Variants in DTX3L observed in about 807,000 individuals in gnomAD.
DTX3L encodes the protein E3 ubiquitin-protein ligase DTX3L.
A neutral mutation model predicts 60.9 loss-of-function variants in DTX3L; 34 were observed. The ratio of observed to expected loss-of-function variants is 0.56; its 90% confidence interval spans 0.42 to 0.74. The LOEUF (loss-of-function observed/expected upper bound fraction) is 0.74, where lower values mean the gene tolerates loss of function less well. Among genes scored for constraint, DTX3L ranks in the 30% least tolerant of loss-of-function variants. The pLI is 0.00. For synonymous variants in DTX3L, 290 were observed against 316.6 expected, an observed-to-expected ratio of 0.92 and a Z score of 0.89; for missense variants, 810 against 874.0, an observed-to-expected ratio of 0.93 and a Z score of 0.92.
intron 4 of DTX3L, 66 bp from the exon 5 acceptor site, chr3:122,571,612 G>A: frequency 8.3e-7 from 1 of 1,208,030 alleles, no homozygotes; most frequent in South Asian, 1.4e-5. Context: ...ATCCTTAAAT[G>A]CTGGATATCT....
Position 122,569,719 on chromosome 3 carries a change from G to A in DTX3L, c.1630G>A (p.Gly544Ser), listed in dbSNP as rs374278659. The A allele has an allele frequency of 9.3e-6, 15 of 1,614,008 alleles. No homozygotes were observed. The highest frequency in any genetic ancestry group is 1.2e-5 in the Non-Finnish European group (14 of 1,180,030). ...DSKAASPPLK[G>S]SVSSEASELD... ...CAAAGCAGCTTCTCCGCCACTCAAGGGCTCTGTGAGTTCTGAGGCCTCAGA... is the reference window on the plus strand; with the variant it reads ...CAAAGCAGCTTCTCCGCCACTCAAGAGCTCTGTGAGTTCTGAGGCCTCAGA... The change falls in exon 3 of 5, where the codon GGC (glycine) becomes AGC (serine). Residue 544 changes from glycine to serine, a missense_variant. By Grantham distance (56) the Gly-to-Ser change is moderately conservative. Transcript: ENST00000296161.
chr3:122,564,985 T>C (rs2080536491), intron 1 of DTX3L, among the ~76,000 whole-genome samples: 1 of 152,182 alleles, frequency 6.6e-6, no homozygotes, highest in Admixed American at 6.5e-5. Context: ...GTTCCATCCA[T>C]GAACAAAAGG....
rs149064549 is a variant in DTX3L at position 122,568,006 on chromosome 3, G to A, written c.400-483G>A. Among the ~76,000 whole-genome samples the A allele has an allele frequency of 5.6e-3, 852 of 152,272 alleles. 9 individuals are homozygous for A. Among genetic ancestry groups the A allele is most frequent in the African/African-American group, 0.019 (803 of 41,556 alleles). On this transcript the variant is annotated intron_variant, in intron 2 of 4. Transcript: ENST00000296161. Reference sequence around the variant, plus strand: ...GAGAACCTCTGGGATGTAGCGTGCTGTATCCTCTAAAAAGGATTTGAGACC... The same window carrying A: ...GAGAACCTCTGGGATGTAGCGTGCTATATCCTCTAAAAAGGATTTGAGACC...
Position 122,564,483 on chromosome 3 carries a change from C to T in DTX3L, c.57C>T (p.Gly19=). ...SPLLVRVYKS[G]PRVRRKLESY... is the part of the protein sequence containing the mutation. ...TCCTCGTGCGGGTGTACAAGTCCGG[C>T]CCCCGAGTACGAAGGAAGCTGGAGA... The change falls in exon 1 of 5, where the codon GGC becomes GGT. Residue 19 remains glycine, a synonymous_variant. Transcript: ENST00000296161. 1.2e-6 allele frequency: 2 copies of T among 1,612,518 alleles called. No homozygotes were observed. Among genetic ancestry groups the T allele is most frequent in the Non-Finnish European group, 1.7e-6 (2 of 1,179,264 alleles).
rs948417465 is a variant in DTX3L, at chr3:122,568,548, A to G, written c.459A>G (p.Ala153=). 6.2e-7 allele frequency: 1 copy of G among 1,614,186 alleles called. No individual in the cohort carries two copies. The highest frequency in any genetic ancestry group is 8.5e-7 in the Non-Finnish European group (1 of 1,180,028). ...ACCTGTTCTCCAAAGAGCAGAGGGC[A>G]TACATAACCACACTGTGCCCTAGTA... is the stretch of plus-strand genomic sequence containing the variant. ...NCNLFSKEQR[A]YITTLCPSIR... The change falls in exon 3 of 5, where the codon GCA becomes GCG. Residue 153 remains alanine, a synonymous_variant. Transcript: ENST00000296161.
rs752116170 is a variant in DTX3L at position 122,571,709 on chromosome 3, C to T, written c.2185C>T (p.Arg729Cys). The change falls in exon 5 of 5, where the codon CGT (arginine) becomes TGT (cysteine). Residue 729 changes from arginine to cysteine, a missense_variant. Physicochemically the swap from Arg to Cys is radical, Grantham distance 180. Coordinates refer to ENST00000296161, the MANE Select transcript of DTX3L (RefSeq NM_138287.3). Reference protein sequence around the residue: ...YGYPDPSYLKRVKEELKAKGI... With the variant: ...YGYPDPSYLKCVKEELKAKGI... ...CTATCCTGATCCTTCTTACCTGAAA[C>T]GTGTCAAAGAGGAGCTGAAAGCCAA... 1.6e-5 allele frequency: 26 copies of T among 1,613,120 alleles called. No individual in the cohort carries two copies. The highest frequency in any genetic ancestry group is 2.7e-5 in the African/African-American group (2 of 75,000).
Position 122,565,989 on chromosome 3 carries a change from A to G in DTX3L, c.318A>G (p.Gln106=). Residue 106 remains glutamine (Q), a synonymous_variant, in exon 2 of 5, where the codon CAA becomes CAG. Transcript: ENST00000296161. ...NTRPQISSLT[Q]SQAETPSGDM... is the part of the protein sequence containing the mutation. The stretch of plus-strand genomic sequence containing the variant: ...GACCTCAAATTTCTTCACTGACACA[A>G]TCACAAGCAGAAACACCGTCTGGTG... 2 of 1,614,214 alleles carry G rather than the reference A, an allele frequency of 1.2e-6. No homozygotes were observed. Among genetic ancestry groups the G allele is most frequent in the Non-Finnish European group, 1.7e-6 (2 of 1,180,050 alleles).
Position 122,564,470 on chromosome 3 carries a change from T to C in DTX3L, c.44T>C (p.Val15Ala), listed in dbSNP as rs1475989617. Reference protein sequence around the residue: ...LRPPSPLLVRVYKSGPRVRRK... With the variant: ...LRPPSPLLVRAYKSGPRVRRK... ...CCGCCGTCCCCGCTCCTCGTGCGGG[T>C]GTACAAGTCCGGCCCCCGAGTACGA... Residue 15 changes from valine (V) to alanine (A), a missense_variant, in exon 1 of 5, where the codon GTG becomes GCG. Coordinates refer to ENST00000296161, the MANE Select transcript of DTX3L (RefSeq NM_138287.3). 6.2e-7 allele frequency: 1 copy of C among 1,612,468 alleles called. No homozygotes were observed. Among genetic ancestry groups the C allele is most frequent in the Admixed American group, 1.7e-5 (1 of 59,984 alleles).
chr3:122,574,346 A>C lies in DTX3L; in HGVS notation c.*2599A>C, dbSNP rs2080668433. The C allele has an allele frequency of 6.6e-6, 1 of 152,170 alleles. No homozygotes were observed. The highest frequency in any genetic ancestry group is 1.5e-5 in the Non-Finnish European group (1 of 68,038). The allele number at this position is 152,170 out of a possible 1,614,324, so 9.4% of individuals were successfully genotyped here. On this transcript the variant is annotated 3_prime_UTR_variant, in exon 5 of 5. Coordinates refer to ENST00000296161, the MANE Select transcript of DTX3L (RefSeq NM_138287.3). ...TACTATAAGGAATATATGACATGCTAAATTTTATTTTTAAACGGTTCTTCA... is the reference window on the plus strand; with the variant it reads ...TACTATAAGGAATATATGACATGCTCAATTTTATTTTTAAACGGTTCTTCA...
At chr3:122,568,368 GC>G (rs1231353092) in intron 2 of DTX3L, 120 bp from the exon 3 acceptor site, 29 of 460,386 alleles carry the variant, frequency 6.3e-5, no homozygotes, top group African/African-American at 5.0e-4. Flanking sequence ...GAAAGAAGTT[GC>G]CCCCACTTGG....
Position 122,569,747 on chromosome 3 carries a change from T to G in DTX3L, c.1658T>G (p.Leu553Arg), listed in dbSNP as rs1467658258. ...TCTGTGAGTTCTGAGGCCTCAGAACTGGACAAGAAGGAAAAGGGCATCTGT... is the reference window on the plus strand; with the variant it reads ...TCTGTGAGTTCTGAGGCCTCAGAACGGGACAAGAAGGAAAAGGGCATCTGT... ...KGSVSSEASE[L>R]DKKEKGICVI... is the part of the protein sequence containing the mutation. The change falls in exon 3 of 5, where the codon CTG becomes CGG. Residue 553 changes from leucine (L) to arginine (R), a missense_variant. Coordinates refer to ENST00000296161, the MANE Select transcript of DTX3L (RefSeq NM_138287.3). 1.2e-6 allele frequency: 2 copies of G among 1,613,998 alleles called. No individual in the cohort carries two copies. The highest frequency in any genetic ancestry group is 2.7e-5 in the African/African-American group (2 of 74,922).
chr3:122,567,885 A>G (rs982497105), intron 2 of DTX3L, among the ~76,000 whole-genome samples: 5 of 152,290 alleles, frequency 3.3e-5, no homozygotes, highest in Middle Eastern at 3.4e-3. Flanking sequence ...TCCACTGCAG[A>G]TTAGTTAACA....
chr3:122,566,089 A>G lies in DTX3L; in HGVS notation c.399+19A>G, dbSNP rs1386970466. On this transcript the variant is annotated intron_variant, in intron 2 of 4. Transcript: ENST00000296161. ...CCAAAAGGTGAGTATTGAAAGAAGGAGCTGGCTGTGCCTGCGCCTCCTCTC... is the reference window on the plus strand; with the variant it reads ...CCAAAAGGTGAGTATTGAAAGAAGGGGCTGGCTGTGCCTGCGCCTCCTCTC... The G allele has an allele frequency of 2.5e-6, 4 of 1,608,656 alleles. No individual in the cohort carries two copies. Among genetic ancestry groups the G allele is most frequent in the Non-Finnish European group, 3.4e-6 (4 of 1,175,488 alleles).
chr3:122,569,185 G>A lies in DTX3L; in HGVS notation c.1096G>A (p.Val366Met). 1.9e-6 allele frequency: 3 copies of A among 1,614,198 alleles called. No individual in the cohort carries two copies. The highest frequency in any genetic ancestry group is 1.1e-5 in the South Asian group (1 of 91,080). The stretch of plus-strand genomic sequence containing the variant: ...CTCTGAAGCTTTTGTCAAGATACCT[G>A]TGAAACTATTTGCTGCCAATTACAT... Reference protein sequence around the residue: ...KISEAFVKIPVKLFAANYMMN... With the variant: ...KISEAFVKIPMKLFAANYMMN... The change falls in exon 3 of 5, where the codon GTG becomes ATG. Residue 366 changes from valine (V) to methionine (M), a missense_variant. Transcript: ENST00000296161.
chr3:122,568,445 A>G, intron 2 of DTX3L, 44 bp from the exon 3 acceptor site: 1 of 1,491,474 alleles, frequency 6.7e-7, no homozygotes, highest in Non-Finnish European at 9.0e-7. Context: ...GTAGGCCTGC[A>G]TGCTGAGAGG....
rs540079621 is a variant in DTX3L at position 122,574,227 on chromosome 3, T to C, written c.*2480T>C. 5.8e-4 allele frequency: 89 copies of C among 152,300 alleles called. No homozygotes were observed. The highest frequency in any genetic ancestry group is 2.1e-3 in the African/African-American group (87 of 41,564). The allele number at this position is 152,300 out of a possible 1,614,324, so 9.4% of individuals were successfully genotyped here. ...CCGTAGCCCACATTGTAGTAGTTTT[T>C]CAGCTCTTTACTAAGTCCCACCAAT... On this transcript the variant is annotated 3_prime_UTR_variant, in exon 5 of 5. Transcript: ENST00000296161.
chr3:122,570,248 C>G lies in DTX3L; in HGVS notation c.1936-207C>G, dbSNP rs1404086644. 8.2e-6 allele frequency: 6 copies of G among 727,772 alleles called. No individual in the cohort carries two copies. In the Admixed American group the frequency reaches 1.7e-4, roughly 21 times the overall value. The allele number at this position is 727,772 out of a possible 1,614,324, so 45.1% of individuals were successfully genotyped here. A position where few individuals can be genotyped will look rare whatever the true frequency, so the allele number is the denominator to read the frequency against. ...GAGAAAGGGTGGGTGGAGATTATAT[C>G]TTGAGATGGGGGTATCAGGAAGGTG... is the stretch of plus-strand genomic sequence containing the variant. On this transcript the variant is annotated intron_variant, in intron 3 of 4. Transcript: ENST00000296161.
In DTX3L at chr3:122,568,593, C is replaced by T. The variant is rs1251896018; in HGVS notation, c.504C>T (p.His168=). The T allele has an allele frequency of 6.2e-6, 10 of 1,613,984 alleles. No homozygotes were observed. Among genetic ancestry groups the T allele is most frequent in the African/African-American group, 2.7e-5 (2 of 74,882 alleles). ...CTAGTATCAGAAAAATGGAAGGTCA[C>T]GATGGAATTGAGAAGGTGTGTGGTG... ...LCPSIRKMEG[H]DGIEKVCGDF... The change falls in exon 3 of 5, where the codon CAC becomes CAT. Residue 168 remains histidine, a synonymous_variant. Coordinates refer to ENST00000296161, the MANE Select transcript of DTX3L (RefSeq NM_138287.3).
chr3:122,570,024 A>G lies in DTX3L; in HGVS notation c.1935A>G (p.Thr645=). The G allele has an allele frequency of 6.2e-7, 1 of 1,613,584 alleles. No homozygotes were observed. Among genetic ancestry groups the G allele is most frequent in the Non-Finnish European group, 8.5e-7 (1 of 1,179,986 alleles). The change falls in exon 3 of 5, where the codon ACA becomes ACG. Residue 645 remains threonine, a splice_region_variant and synonymous_variant. Coordinates refer to ENST00000296161, the MANE Select transcript of DTX3L (RefSeq NM_138287.3). ...ITYSMKAGIQ[T]EEHPNPGKRY... is the part of the protein sequence containing the mutation. The stretch of plus-strand genomic sequence containing the variant: ...ATTCTATGAAAGCAGGCATACAAAC[A>G]GTAAGTATTTCTCAAGTCCATGGGT...
Sources: allele counts gnomAD v4.1 joint callset (sites outside exome capture counted in the v4.1 genomes callset), GRCh38; gene constraint gnomAD v4.1.1; transcripts MANE v1.5; gene names NCBI Gene and HGNC (gene_info 2026-07-23, HGNC 2026-07-21).